Variants in MARCHF3 observed in about 807,000 individuals in gnomAD.
MARCHF3 encodes the protein membrane associated ring-CH-type finger 3, also known as E3 ubiquitin-protein ligase MARCHF3.
A neutral mutation model predicts 24.2 loss-of-function variants in MARCHF3; 13 were observed. That is an observed-to-expected ratio of 0.54 (90% confidence interval 0.35 to 0.85). MARCHF3 has a LOEUF of 0.85. Ranked by LOEUF, MARCHF3 falls within the 40% of genes least tolerant of loss-of-function variation. MARCHF3 has a pLI of 0.01. For synonymous variants in MARCHF3, 144 were observed against 137.3 expected (o/e 1.05, Z -0.34); for missense variants, 276 against 325.0 (o/e 0.85, Z 1.16).
chr5:126,896,085 G>C (rs536507123), intron 3 of MARCHF3, among the ~76,000 whole-genome samples: 1 of 152,134 alleles, frequency 6.6e-6, no homozygotes, highest in Admixed American at 6.6e-5. Context: ...GGTGCCGTCC[G>C]TCACCCCTTT....
At chr5:126,946,416 T>G (rs1334013457) in intron 1 of MARCHF3, 1 of 138,016 alleles carries the variant, frequency 7.2e-6, no homozygotes, top group East Asian at 2.1e-4. Context: ...TAAAAAAAAA[T>G]GCCAGAGTCC....
chr5:126,970,350 C>T (rs1052237682), intron 1 of MARCHF3, among the ~76,000 whole-genome samples: 3 of 152,086 alleles, frequency 2.0e-5, no homozygotes, highest in Admixed American at 6.5e-5. Flanking sequence ...AGCCTCCCAA[C>T]GTGCTGGGAT....
At chr5:126,928,035 T>C (rs1020794567) in intron 1 of MARCHF3, among the ~76,000 whole-genome samples, 2 of 152,192 alleles carry the variant, frequency 1.3e-5, no homozygotes, top group African/African-American at 4.8e-5. Flanking sequence ...TGTGAGTGTA[T>C]TTTTCTATTT....
chr5:126,908,797 G>A (rs549590388), intron 3 of MARCHF3, among the ~76,000 whole-genome samples: 19 of 151,894 alleles, frequency 1.3e-4, no homozygotes, highest in Middle Eastern at 3.4e-3. Flanking sequence ...TAATTCCATC[G>A]TCTGAAGCCT....
intron 1 of MARCHF3, among the ~76,000 whole-genome samples, chr5:127,022,974 G>C (rs1456838957): frequency 1.3e-5 from 2 of 152,112 alleles, no homozygotes; most frequent in Non-Finnish European, 2.9e-5. Flanking sequence ...TATCCTAATG[G>C]CCTCTTCAGG....
intron 1 of MARCHF3, among the ~76,000 whole-genome samples, chr5:126,957,083 G>GT (rs139286895): frequency 7.9e-5 from 12 of 151,750 alleles, no homozygotes. Flanking sequence ...TTTTATTAGA[G>GT]TTTTTTTTGA....
Position 126,928,431 on chromosome 5 carries a change from A to C in MARCHF3, c.-56-10204T>G, listed in dbSNP as rs183002239. 1.3e-4 allele frequency among the ~76,000 whole-genome samples: 20 copies of C among 152,326 alleles called. No individual in the cohort carries two copies. In the East Asian group the frequency reaches 3.9e-3, roughly 29 times the overall value. Reference sequence around the variant, plus strand: ...ACTTGGTTTCTAGTGACCAACCAAAAATCCAAAAGAAATAGGTTTTTTTAA... The same window carrying C: ...ACTTGGTTTCTAGTGACCAACCAAACATCCAAAAGAAATAGGTTTTTTTAA... On this transcript the variant is annotated intron_variant, in intron 1 of 4. Coordinates refer to ENST00000308660, the MANE Select transcript of MARCHF3 (RefSeq NM_178450.5).
At chr5:126,980,665 G>A (rs1231422116) in intron 1 of MARCHF3, among the ~76,000 whole-genome samples, 1 of 152,058 alleles carries the variant, frequency 6.6e-6, no homozygotes, top group Admixed American at 6.5e-5. Context: ...CACCACGCCT[G>A]GCCTCAAATA....
At chr5:126,914,728 C>T in intron 3 of MARCHF3, 1 of 602,112 alleles carries the variant, frequency 1.7e-6, no homozygotes, top group South Asian at 2.0e-5. Context: ...AGCAAGCTCT[C>T]CCTTCTCTGT....
intron 1 of MARCHF3, among the ~76,000 whole-genome samples, chr5:127,027,981 C>G (rs1336983334): frequency 6.6e-6 from 1 of 152,070 alleles, no homozygotes; most frequent in Non-Finnish European, 1.5e-5. Context: ...TAAGAAACAG[C>G]CTAGTTAATT....
rs959833976 is a variant in MARCHF3 at position 126,868,014 on chromosome 5, G to A, written c.*2619C>T. The A allele has an allele frequency of 6.6e-6, 1 of 152,138 alleles. No individual in the cohort carries two copies. Among genetic ancestry groups the A allele is most frequent in the African/African-American group, 2.4e-5 (1 of 41,416 alleles). 9.4% of individuals were successfully genotyped at this position (152,138 alleles called of 1,614,324 possible). On this transcript the variant is annotated 3_prime_UTR_variant, in exon 5 of 5. Transcript: ENST00000308660. ...GAGTTTTTTTAAAAAGTCAGTTAAA[G>A]AGAAGCAATGAACCACGAGGGTCCT...
At chr5:126,916,457 T>C (rs1754734575) in intron 2 of MARCHF3, among the ~76,000 whole-genome samples, 2 of 152,050 alleles carry the variant, frequency 1.3e-5, no homozygotes, top group South Asian at 4.2e-4. Context: ...TTTCTGAGAA[T>C]GATCCTGGGA....
In MARCHF3 at chr5:126,870,481, G is replaced by A. The variant is rs1023600491; in HGVS notation, c.*152C>T. The A allele has an allele frequency of 1.2e-5, 7 of 592,756 alleles. No homozygotes were observed. The highest frequency in any genetic ancestry group is 2.1e-5 in the Non-Finnish European group (7 of 335,292). The allele number at this position is 592,756 out of a possible 1,614,324, so 36.7% of individuals were successfully genotyped here. ...CAGCATTTGCTTTCTTCTGGCGGAGGTTGTTGCTTGGAGTGATGTGCTAAT... is the reference window on the plus strand; with the variant it reads ...CAGCATTTGCTTTCTTCTGGCGGAGATTGTTGCTTGGAGTGATGTGCTAAT... On this transcript the variant is annotated 3_prime_UTR_variant, in exon 5 of 5. Coordinates refer to ENST00000308660, the MANE Select transcript of MARCHF3 (RefSeq NM_178450.5).
chr5:126,945,952 A>G (rs1749994174), intron 1 of MARCHF3, among the ~76,000 whole-genome samples: 1 of 152,100 alleles, frequency 6.6e-6, no homozygotes, highest in Non-Finnish European at 1.5e-5. Context: ...TCTGTAGTGG[A>G]GGGGTGGTGT....
chr5:126,925,437 C>T (rs1391465683), intron 1 of MARCHF3, among the ~76,000 whole-genome samples: 2 of 152,052 alleles, frequency 1.3e-5, no homozygotes, highest in African/African-American at 2.4e-5. Flanking sequence ...TCTCTTCAGC[C>T]AGGTAAAATC....
intron 1 of MARCHF3, among the ~76,000 whole-genome samples, chr5:126,941,469 G>A (rs2126809891): frequency 6.6e-6 from 1 of 152,070 alleles, no homozygotes; most frequent in East Asian, 1.9e-4. Context: ...AAAAAAAACA[G>A]GTGGAAAAAT....
At chr5:126,912,946 G>T (rs757462016) in intron 3 of MARCHF3, among the ~76,000 whole-genome samples, 1 of 152,204 alleles carries the variant, frequency 6.6e-6, no homozygotes. Context: ...TTTTGTAGGC[G>T]AGGCCCTAAA....
intron 3 of MARCHF3, among the ~76,000 whole-genome samples, chr5:126,910,340 T>A (rs932747094): frequency 1.3e-5 from 2 of 152,222 alleles, no homozygotes; most frequent in African/African-American, 4.8e-5. Flanking sequence ...TGTCGTAAGA[T>A]GGGCTTCCTT....
chr5:126,931,721 T>G (rs542506554), intron 1 of MARCHF3, among the ~76,000 whole-genome samples: 1 of 152,200 alleles, frequency 6.6e-6, no homozygotes, highest in South Asian at 2.1e-4. Context: ...ACCGCAAAGT[T>G]GTAACATGAG....
Sources: allele counts gnomAD v4.1 joint callset (sites outside exome capture counted in the v4.1 genomes callset), GRCh38; gene constraint gnomAD v4.1.1; transcripts MANE v1.5; gene names NCBI Gene and HGNC (gene_info 2026-07-23, HGNC 2026-07-21).